TENM4: variants seen among roughly 807,000 people sequenced by gnomAD.
The protein encoded by TENM4 is teneurin transmembrane protein 4.
TENM4 carries 82 observed loss-of-function variants against 243.3 expected under a neutral mutation model. The observed-to-expected ratio is 0.34, with a 90% CI of 0.28 to 0.40. The LOEUF (loss-of-function observed/expected upper bound fraction) is 0.40. Among genes scored for constraint, TENM4 ranks in the 10% least tolerant of loss-of-function variants. The pLI is 1.00. For synonymous variants in TENM4, 1,412 were observed against 1,456.3 expected, an observed-to-expected ratio of 0.97 and a Z score of 0.69; for missense variants, 3,138 against 3,673.3, an observed-to-expected ratio of 0.85 and a Z score of 3.77.
At chr11:79,025,102 C>T (rs1413844419) in intron 6 of TENM4, among the ~76,000 whole-genome samples, 1 of 152,188 alleles carries the variant, frequency 6.6e-6, no homozygotes, top group East Asian at 1.9e-4. Context: ...TGGGGAGACT[C>T]TTCCAGTTCA....
rs373692275 is a variant in TENM4, at chr11:78,986,620, G to A, written c.493+78118C>T. Among the ~76,000 whole-genome samples, 26 of 152,320 alleles carry A rather than the reference G, an allele frequency of 1.7e-4. No homozygotes were observed. The South Asian group carries it at 4.6e-3, about 27-fold the overall frequency. On this transcript the variant is annotated intron_variant, in intron 6 of 33. Coordinates refer to ENST00000278550, the MANE Select transcript of TENM4 (RefSeq NM_001098816.3). Reference sequence around the variant, plus strand: ...CGCTCTGTCGTCCGCCTAGAGCGCAGTGGTGTGATCTCGGCTCACTGCAAC... The same window carrying A: ...CGCTCTGTCGTCCGCCTAGAGCGCAATGGTGTGATCTCGGCTCACTGCAAC...
chr11:78,785,602 T>C (rs1790548), intron 16 of TENM4, among the ~76,000 whole-genome samples: 84,477 of 152,074 alleles, frequency 0.56, 26,220 homozygotes, highest in Non-Finnish European at 0.71. Flanking sequence ...GTAAGGAGGA[T>C]AAAATAATGC....
chr11:79,122,529 T>C (rs986711211), intron 4 of TENM4, among the ~76,000 whole-genome samples: 7 of 152,284 alleles, frequency 4.6e-5, no homozygotes, highest in Non-Finnish European at 1.0e-4. Flanking sequence ...GAGAGGGGAC[T>C]GGATTCATGA....
intron 2 of TENM4, among the ~76,000 whole-genome samples, chr11:79,236,190 C>T (rs1380083374): frequency 6.6e-6 from 1 of 152,130 alleles, no homozygotes; most frequent in East Asian, 1.9e-4. Context: ...TCAATAATAA[C>T]ACAGAGTACA....
At chr11:78,817,433 C>A (rs1857630842) in intron 12 of TENM4, among the ~76,000 whole-genome samples, 1 of 152,160 alleles carries the variant, frequency 6.6e-6, no homozygotes, top group South Asian at 2.1e-4. Context: ...TCTAATCCAA[C>A]ACGTGGCCTC....
At chr11:78,983,936 G>A (rs183743417) in intron 6 of TENM4, among the ~76,000 whole-genome samples, 82 of 152,344 alleles carry the variant, frequency 5.4e-4, no homozygotes, top group African/African-American at 1.7e-3. Context: ...TAAAATGGAG[G>A]ACTCAGGGAA....
At chr11:79,277,455 A>G (rs74970690) in intron 2 of TENM4, among the ~76,000 whole-genome samples, 11,103 of 152,232 alleles carry the variant, frequency 0.073, 890 homozygotes, top group African/African-American at 0.19. Flanking sequence ...AGTGAAAGTA[A>G]CTTGCCCCCT....
At chr11:79,158,545 T>C (rs144253957) in intron 3 of TENM4, among the ~76,000 whole-genome samples, 17 of 152,278 alleles carry the variant, frequency 1.1e-4, no homozygotes, top group African/African-American at 3.4e-4. Flanking sequence ...TCTTGACATA[T>C]TGACTGTGAC....
chr11:79,139,019 T>G (rs183363068), intron 4 of TENM4, among the ~76,000 whole-genome samples: 2,674 of 29,594 alleles, frequency 0.09, 705 homozygotes, highest in African/African-American at 0.27. Context: ...TATATTTCTA[T>G]AAATATATAT....
intron 19 of TENM4, among the ~76,000 whole-genome samples, chr11:78,754,007 TG>T (rs999360105): frequency 6.6e-6 from 1 of 152,228 alleles, no homozygotes; most frequent in Non-Finnish European, 1.5e-5. Context: ...ATAGATAATA[TG>T]TCCATCCTTC....
intron 14 of TENM4, among the ~76,000 whole-genome samples, chr11:78,809,955 T>C (rs1161982865): frequency 6.6e-6 from 1 of 152,206 alleles, no homozygotes; most frequent in African/African-American, 2.4e-5. Flanking sequence ...GTGAAAGGTC[T>C]AGGTTTTTTC....
At chr11:78,688,928 A>G (rs1411067247) in intron 28 of TENM4, among the ~76,000 whole-genome samples, 2 of 152,200 alleles carry the variant, frequency 1.3e-5, no homozygotes, top group African/African-American at 2.4e-5. Context: ...TCTCTTTACT[A>G]TTCTCCTGAT....
intron 3 of TENM4, among the ~76,000 whole-genome samples, chr11:79,164,429 G>GAT (rs565160232): frequency 7.7e-6 from 1 of 129,216 alleles, no homozygotes; most frequent in African/African-American, 3.0e-5. Flanking sequence ...GTAGTATATA[G>GAT]ATATATATGT....
chr11:78,932,627 C>T (rs563171231), intron 6 of TENM4, among the ~76,000 whole-genome samples: 5 of 152,284 alleles, frequency 3.3e-5, no homozygotes, highest in Admixed American at 1.3e-4. Context: ...GGGAGACTTA[C>T]TTTACTGCAG....
intron 6 of TENM4, among the ~76,000 whole-genome samples, chr11:78,954,209 G>A (rs1857163206): frequency 6.6e-6 from 1 of 152,188 alleles, no homozygotes; most frequent in African/African-American, 2.4e-5. Context: ...AGAGGGCAGG[G>A]GGCTGCCTGG....
At chr11:79,224,225 G>A (rs1186701619) in intron 2 of TENM4, among the ~76,000 whole-genome samples, 1 of 152,166 alleles carries the variant, frequency 6.6e-6, no homozygotes. Context: ...CAGATTCATG[G>A]GTCCCATGAC....
chr11:79,332,709 A>G (rs892883766), intron 1 of TENM4, among the ~76,000 whole-genome samples: 1 of 152,200 alleles, frequency 6.6e-6, no homozygotes. Flanking sequence ...AGTAGACTAT[A>G]TATCTTTCCA....
In TENM4 at chr11:78,854,768, G is replaced by A. The variant is rs76362431; in HGVS notation, c.1471-454C>T. Among the ~76,000 whole-genome samples the A allele has an allele frequency of 6.3e-3, 955 of 152,258 alleles. 8 individuals carry two copies. The highest frequency in any genetic ancestry group is 0.022 in the African/African-American group (904 of 41,528). On this transcript the variant is annotated intron_variant, in intron 11 of 33. Transcript: ENST00000278550. ...GGCTGGGACTGGGATTGGAGCATTG[G>A]ATGTGATTGGAACATCAGTCATGTG... is the stretch of plus-strand genomic sequence containing the variant.
chr11:78,823,288 A>G (rs1484774788), intron 12 of TENM4, among the ~76,000 whole-genome samples: 1 of 152,184 alleles, frequency 6.6e-6, no homozygotes, highest in Non-Finnish European at 1.5e-5. Flanking sequence ...CCCAGGTGCA[A>G]GAGACAACAC....
Sources: allele counts gnomAD v4.1 joint callset (sites outside exome capture counted in the v4.1 genomes callset), GRCh38; gene constraint gnomAD v4.1.1; transcripts MANE v1.5; gene names NCBI Gene and HGNC (gene_info 2026-07-23, HGNC 2026-07-21).